AKAP6: variants seen among roughly 807,000 people sequenced by gnomAD.
AKAP6 encodes A-kinase anchoring protein 6, also known as A-kinase anchor protein 6.
Under a neutral mutation model 188.5 loss-of-function variants are expected in AKAP6, and 58 were observed. The ratio of observed to expected loss-of-function variants is 0.31; its 90% confidence interval spans 0.25 to 0.38. AKAP6 has a LOEUF of 0.38. AKAP6 is among the 10% of genes least tolerant of loss of function. The pLI is 1.00. For missense variants in AKAP6, 2,710 were observed against 2,740.0 expected (o/e 0.99, Z 0.24); for synonymous variants, 989 against 998.6 (o/e 0.99, Z 0.18).
At chr14:32,606,996 G>A (rs190654905) in intron 7 of AKAP6, among the ~76,000 whole-genome samples, 352 of 152,248 alleles carry the variant, frequency 2.3e-3, no homozygotes, top group African/African-American at 8.3e-3. Context: ...TCTAGTGTTA[G>A]CATGTGTTTT....
chr14:32,355,925 C>T (rs900453354), intron 1 of AKAP6, among the ~76,000 whole-genome samples: 3 of 152,052 alleles, frequency 2.0e-5, no homozygotes, highest in East Asian at 1.9e-4. Flanking sequence ...CAGGCGCCTG[C>T]CACCACACCC....
chr14:32,582,873 T>C (rs1243804727), intron 5 of AKAP6, among the ~76,000 whole-genome samples: 1 of 152,134 alleles, frequency 6.6e-6, no homozygotes, highest in East Asian at 1.9e-4. Flanking sequence ...TATTGGTTAT[T>C]CTAGTTATAC....
chr14:32,336,882 C>T (rs558418436), intron 1 of AKAP6, among the ~76,000 whole-genome samples: 15 of 152,274 alleles, frequency 9.9e-5, no homozygotes, highest in African/African-American at 3.6e-4. Context: ...CCCTGAGGCC[C>T]TCATCTCCCT....
intron 2 of AKAP6, among the ~76,000 whole-genome samples, chr14:32,510,429 TATATATGTGTATATATATATAC>T (rs1251940320): frequency 1.4e-4 from 13 of 93,902 alleles, no homozygotes; most frequent in African/African-American, 6.1e-4. Flanking sequence ...TATATACATA[TATATATGTGTATATATATATAC>T]ATATATATGT....
chr14:32,806,257 C>A (rs186745348), intron 12 of AKAP6, among the ~76,000 whole-genome samples: 2 of 152,318 alleles, frequency 1.3e-5, no homozygotes, highest in East Asian at 3.9e-4. Flanking sequence ...TTATTCCAAA[C>A]TATGTCTGGG....
intron 1 of AKAP6, among the ~76,000 whole-genome samples, chr14:32,361,396 GGCATGGAA>G (rs1275727438): frequency 6.6e-6 from 1 of 152,120 alleles, no homozygotes; most frequent in Non-Finnish European, 1.5e-5. Flanking sequence ...CACATGCAAA[GGCATGGAA>G]GCATGGAAGC....
At position 32,664,334 on chromosome 14, in the gene AKAP6, T is replaced by C. The variant is rs146304546; in HGVS notation, c.2731-13977T>C. Among the ~76,000 whole-genome samples the C allele has an allele frequency of 2.4e-3, 358 of 151,888 alleles. 2 individuals are homozygous for C. The highest frequency in any genetic ancestry group is 5.6e-3 in the African/African-American group (231 of 41,426). On this transcript the variant is annotated intron_variant, in intron 7 of 13. Coordinates refer to ENST00000280979, the MANE Select transcript of AKAP6 (RefSeq NM_004274.5). ...ATTCATGGGAATCATTGTTGTAGAGTTGTGTGTATGTGTGTGCATGCTTGT... is the reference window on the plus strand; with the variant it reads ...ATTCATGGGAATCATTGTTGTAGAGCTGTGTGTATGTGTGTGCATGCTTGT...
Position 32,650,335 on chromosome 14 carries a change from G to A in AKAP6, c.2731-27976G>A, listed in dbSNP as rs554268807. Among the ~76,000 whole-genome samples the A allele has an allele frequency of 5.3e-5, 8 of 152,208 alleles. No individual in the cohort carries two copies. The South Asian group carries it at 1.0e-3, about 20-fold the overall frequency. On this transcript the variant is annotated intron_variant, in intron 7 of 13. Transcript: ENST00000280979. ...TGACTTCTAGATGCTAAATACAGCCGGGCGCAGTGTCTCACACCTGTAATC... is the reference window on the plus strand; with the variant it reads ...TGACTTCTAGATGCTAAATACAGCCAGGCGCAGTGTCTCACACCTGTAATC...
At chr14:32,333,564 A>G (rs1886598393) in intron 1 of AKAP6, among the ~76,000 whole-genome samples, 1 of 152,136 alleles carries the variant, frequency 6.6e-6, no homozygotes, top group Non-Finnish European at 1.5e-5. Context: ...AGAGAAGCCC[A>G]TTATCTGTGC....
chr14:32,526,111 C>T (rs1476996067), intron 2 of AKAP6, among the ~76,000 whole-genome samples: 1 of 152,156 alleles, frequency 6.6e-6, no homozygotes, highest in Non-Finnish European at 1.5e-5. Context: ...ATTGCCCAGG[C>T]TGGAGTACAG....
At chr14:32,493,226 A>G (rs1880129240) in intron 2 of AKAP6, among the ~76,000 whole-genome samples, 1 of 151,916 alleles carries the variant, frequency 6.6e-6, no homozygotes, top group Admixed American at 6.6e-5. Flanking sequence ...TTGTTTTTTG[A>G]GACAGGGTCT....
intron 1 of AKAP6, among the ~76,000 whole-genome samples, chr14:32,358,663 C>T (rs372833217): frequency 3.9e-5 from 6 of 152,016 alleles, no homozygotes; most frequent in Admixed American, 6.6e-5. Context: ...TCTGAGGATA[C>T]GTGCAGGTTG....
intron 12 of AKAP6, among the ~76,000 whole-genome samples, chr14:32,799,686 T>G (rs1250712170): frequency 6.6e-6 from 1 of 152,214 alleles, no homozygotes; most frequent in Admixed American, 6.5e-5. Context: ...TTGTATGATT[T>G]CTATTCTTTT....
chr14:32,830,303 C>G lies in AKAP6; in HGVS notation c.*498C>G. On this transcript the variant is annotated 3_prime_UTR_variant, in exon 14 of 14. Coordinates refer to ENST00000280979, the MANE Select transcript of AKAP6 (RefSeq NM_004274.5). Reference sequence around the variant, plus strand: ...TATTGAAAGAGTTTTACCTAAAAAGCCAACATTTGAATTGGTTGCAGCATA... The same window carrying G: ...TATTGAAAGAGTTTTACCTAAAAAGGCAACATTTGAATTGGTTGCAGCATA... 4.8e-6 allele frequency: 1 copy of G among 207,560 alleles called. No homozygotes were observed. The highest frequency in any genetic ancestry group is 9.5e-6 in the Non-Finnish European group (1 of 104,758). The allele number at this position is 207,560 out of a possible 1,614,324, so 12.9% of individuals were successfully genotyped here. A position where few individuals can be genotyped will look rare whatever the true frequency, so the allele number is the denominator to read the frequency against.
chr14:32,823,347 T>C lies in AKAP6; in HGVS notation c.5534T>C (p.Ile1845Thr). ...EMTNPSDTLN[I>T]ETLLNGSVKR... ...ACCAATCCCTCTGATACTCTGAATA[T>C]TGAGACCCTTCTAAATGGCTCTGTA... is the stretch of plus-strand genomic sequence containing the variant. Residue 1845 changes from isoleucine to threonine, a missense_variant, in exon 13 of 14, where the codon ATT becomes ACT. Physicochemically the swap from Ile to Thr is moderately conservative, Grantham distance 89 (BLOSUM62 -1). Coordinates refer to ENST00000280979, the MANE Select transcript of AKAP6 (RefSeq NM_004274.5). 6.2e-7 allele frequency: 1 copy of C among 1,613,806 alleles called. No homozygotes were observed. The highest frequency in any genetic ancestry group is 8.5e-7 in the Non-Finnish European group (1 of 1,179,874).
At chr14:32,567,405 C>A (rs753169657) in intron 4 of AKAP6, among the ~76,000 whole-genome samples, 1 of 152,144 alleles carries the variant, frequency 6.6e-6, no homozygotes, top group Non-Finnish European at 1.5e-5. Flanking sequence ...CTTCTTGGCT[C>A]CCATGACAGT....
intron 1 of AKAP6, among the ~76,000 whole-genome samples, chr14:32,400,915 C>A (rs955570164): frequency 1.3e-5 from 2 of 152,138 alleles, no homozygotes; most frequent in Admixed American, 6.6e-5. Context: ...CATGATAATC[C>A]TATTCTTTCC....
rs115141350 is a variant in AKAP6, at chr14:32,402,533, A to C, written c.-34-30927A>C. Among the ~76,000 whole-genome samples, 1,363 of 152,308 alleles carry C rather than the reference A, an allele frequency of 8.9e-3. 15 individuals are homozygous for C. The highest frequency in any genetic ancestry group is 0.03 in the African/African-American group (1,262 of 41,566). On this transcript the variant is annotated intron_variant, in intron 1 of 13. Transcript: ENST00000280979. ...GACCTCTTTTGAAGCCTTGCCTGAC[A>C]ACCCAAGCTAGAAATGATATTTCTT...
Position 32,688,729 on chromosome 14 carries a change from A to G in AKAP6, c.2880-7261A>G, listed in dbSNP as rs1325433108. 2.0e-5 allele frequency among the ~76,000 whole-genome samples: 3 copies of G among 152,278 alleles called. No homozygotes were observed. In the East Asian group the frequency reaches 5.8e-4, roughly 29 times the overall value. On this transcript the variant is annotated intron_variant, in intron 8 of 13. Transcript: ENST00000280979. Reference sequence around the variant, plus strand: ...AATCCCCAAAGCAGTTTTTTGGTGTAGGCTGCAGAAGTGATGTCAAAGCAC... The same window carrying G: ...AATCCCCAAAGCAGTTTTTTGGTGTGGGCTGCAGAAGTGATGTCAAAGCAC...
Sources: gnomAD v4.1 joint callset for allele counts (sites outside exome capture counted in the v4.1 genomes callset) on GRCh38, gnomAD v4.1.1 for gene constraint, MANE v1.5 for transcripts, NCBI Gene and HGNC (gene_info 2026-07-23, HGNC 2026-07-21) for gene names.